The following CCDC149 variants were observed in gnomAD, a reference collection of about 807,000 sequenced individuals.
CCDC149 encodes the protein coiled-coil domain containing 149.
CCDC149 carries 45 observed loss-of-function variants against 59.9 expected under a neutral mutation model. The ratio of observed to expected loss-of-function variants is 0.75; its 90% CI spans 0.59 to 0.96. The LOEUF (loss-of-function observed/expected upper bound fraction) is 0.96, where lower values mean the gene tolerates loss of function less well. Ranked by LOEUF, CCDC149 falls within the 40% of genes least tolerant of loss-of-function variation. The probability of loss-of-function intolerance (pLI) is 0.00; values close to 1 mark genes in which losing one functional copy is unlikely to be tolerated. For synonymous variants in CCDC149, 245 were observed against 260.6 expected, an observed-to-expected ratio of 0.94 and a Z score of 0.58; for missense variants, 584 against 664.7, an observed-to-expected ratio of 0.88 and a Z score of 1.33.
At position 24,853,704 on chromosome 4, in the gene CCDC149, T is replaced by C. The variant is rs139844165; in HGVS notation, c.265-525A>G. ...GCCAACAACATAGAAAAAGTTTCAT[T>C]TTCTTGTTTGGATAGCTTCTTATTC... On this transcript the variant is annotated intron_variant, in intron 3 of 12. Transcript: ENST00000635206. Among the ~76,000 whole-genome samples, 303 of 152,282 alleles carry C rather than the reference T, an allele frequency of 2.0e-3. 3 individuals are homozygous for C. The highest frequency in any genetic ancestry group is 6.6e-3 in the African/African-American group (276 of 41,548).
intron 12 of CCDC149, among the ~76,000 whole-genome samples, chr4:24,814,431 T>G (rs1714875569): frequency 1.3e-5 from 2 of 152,126 alleles, no homozygotes; most frequent in Admixed American, 1.3e-4. Flanking sequence ...TTCTAATAGG[T>G]TCCTTTGATT....
chr4:24,899,727 T>G (rs146864425), intron 1 of CCDC149, among the ~76,000 whole-genome samples: 2 of 152,262 alleles, frequency 1.3e-5, no homozygotes, highest in East Asian at 3.9e-4. Context: ...CCCTCCCCAA[T>G]GCATCCAAGC....
intron 1 of CCDC149, among the ~76,000 whole-genome samples, chr4:24,894,141 C>T (rs1720706801): frequency 6.6e-6 from 1 of 152,194 alleles, no homozygotes; most frequent in African/African-American, 2.4e-5. Context: ...AAGCATCCAG[C>T]ACAGGACTCA....
chr4:24,834,098 G>A (rs553542852), intron 8 of CCDC149, among the ~76,000 whole-genome samples: 1 of 152,258 alleles, frequency 6.6e-6, no homozygotes, highest in South Asian at 2.1e-4. Context: ...AACAATTCTA[G>A]GGTGTTCTTT....
chr4:24,876,720 C>A lies in CCDC149; in HGVS notation c.64-23G>T, dbSNP rs1241898146. 1.9e-6 allele frequency: 3 copies of A among 1,586,862 alleles called. No individual in the cohort carries two copies. In the Admixed American group the frequency reaches 5.5e-5, roughly 29 times the overall value. Reference sequence around the variant, plus strand: ...GTACTGCAAAGCAAACAAATCCAGGCAATGGGTCAAAAACATCCATGGGCC... The same window carrying A: ...GTACTGCAAAGCAAACAAATCCAGGAAATGGGTCAAAAACATCCATGGGCC... On this transcript the variant is annotated intron_variant, in intron 1 of 12. Transcript: ENST00000635206.
intron 9 of CCDC149, among the ~76,000 whole-genome samples, chr4:24,826,320 C>T (rs1715734690): frequency 1.3e-5 from 2 of 151,996 alleles, no homozygotes. Flanking sequence ...ATTCTTCATG[C>T]CTAGTTGAGA....
downstream of CCDC149, among the ~76,000 whole-genome samples, chr4:24,805,743 G>C (rs1714121712): frequency 6.6e-6 from 1 of 152,172 alleles, no homozygotes; most frequent in Non-Finnish European, 1.5e-5. Flanking sequence ...AAATGTGATA[G>C]GAACTGGGTT....
intron 1 of CCDC149, among the ~76,000 whole-genome samples, chr4:24,884,418 C>T (rs754861875): frequency 3.9e-5 from 6 of 152,140 alleles, no homozygotes; most frequent in Admixed American, 6.5e-5. Context: ...TACAGTCGCA[C>T]AATGATGAAA....
chr4:24,944,912 G>T (rs1303836576), intron 1 of CCDC149, among the ~76,000 whole-genome samples: 1 of 152,140 alleles, frequency 6.6e-6, no homozygotes, highest in Admixed American at 6.5e-5. Flanking sequence ...TCAGGTGCAG[G>T]TTCATTTCTG....
intron 1 of CCDC149, among the ~76,000 whole-genome samples, chr4:24,953,485 A>G (rs1239268779): frequency 6.6e-6 from 1 of 152,238 alleles, no homozygotes; most frequent in African/African-American, 2.4e-5. Flanking sequence ...GCGCATAGCC[A>G]GGAAAAGGCA....
At chr4:24,874,122 GAGAGAAAGAGAGAGAC>G (rs1042328194) in intron 2 of CCDC149, among the ~76,000 whole-genome samples, 2 of 151,924 alleles carry the variant, frequency 1.3e-5, no homozygotes, top group African/African-American at 4.8e-5. Context: ...GAGGAAAAGA[GAGAGAAAGAGAGAGAC>G]AGAGAAAGAG....
intron 7 of CCDC149, among the ~76,000 whole-genome samples, chr4:24,835,849 C>T (rs1716480023): frequency 6.6e-6 from 1 of 152,076 alleles, no homozygotes; most frequent in Non-Finnish European, 1.5e-5. Flanking sequence ...CAGAGAAACC[C>T]AGGAGATTTT....
intron 3 of CCDC149, among the ~76,000 whole-genome samples, chr4:24,861,735 G>T (rs1043303390): frequency 6.6e-6 from 1 of 152,180 alleles, no homozygotes; most frequent in Non-Finnish European, 1.5e-5. Context: ...TATTTTCAAT[G>T]ATCGAATATT....
At position 24,912,960 on chromosome 4, in the gene CCDC149, G is replaced by A; in HGVS notation, c.-81C>T. 1 of 726,752 alleles carries A rather than the reference G, an allele frequency of 1.4e-6. No individual in the cohort carries two copies. Among genetic ancestry groups the A allele is most frequent in the South Asian group, 4.2e-5 (1 of 24,004 alleles). The allele number at this position is 726,752 out of a possible 1,614,324, so 45.0% of individuals were successfully genotyped here. A position where few individuals can be genotyped will look rare whatever the true frequency, so the allele number is the denominator to read the frequency against. ...GCCGCCGCCGCCCGGGCCCCGCGCG[G>A]CCCCGAGAGGGCCCGGCGCCTCCGA... On this transcript the variant is annotated 5_prime_UTR_variant, in exon 1 of 13. Coordinates refer to ENST00000635206, the MANE Select transcript of CCDC149 (RefSeq NM_001330643.2).
chr4:24,865,883 TCA>T (rs1441077061), intron 3 of CCDC149, among the ~76,000 whole-genome samples: 3 of 152,188 alleles, frequency 2.0e-5, no homozygotes, highest in African/African-American at 7.2e-5. Context: ...GCATTAGTCC[TCA>T]CAATAAAGTT....
chr4:24,953,697 T>C lies in CCDC149; in HGVS notation c.-65+26372A>G, dbSNP rs114734457. Among the ~76,000 whole-genome samples the C allele has an allele frequency of 9.7e-3, 1,475 of 152,256 alleles. 17 individuals are homozygous for C. The highest frequency in any genetic ancestry group is 0.015 in the Non-Finnish European group (1,033 of 68,030). ...GGAAAAAATAATAATCAGCAGAAAC[T>C]GTCCCTGAAAAAGACCTGATGCCAG... is the stretch of plus-strand genomic sequence containing the variant. On this transcript the variant is annotated intron_variant, in intron 1 of 12. Coordinates refer to the CCDC149 transcript ENST00000389609.
chr4:24,893,613 C>CTTTTTTTT (rs3066508), intron 1 of CCDC149, among the ~76,000 whole-genome samples: 1,952 of 65,812 alleles, frequency 0.03, 295 homozygotes, highest in African/African-American at 0.047. Context: ...AAAATACAGA[C>CTTTTTTTT]TTTTTTTTTT....
chr4:24,847,235 G>C (rs1052053312), intron 4 of CCDC149, among the ~76,000 whole-genome samples: 2 of 152,086 alleles, frequency 1.3e-5, no homozygotes, highest in Admixed American at 6.5e-5. Context: ...TTGCACAAGT[G>C]GATTCTAAGT....
At chr4:24,822,375 A>T in intron 10 of CCDC149, 122 bp downstream of exon 10, 1 of 569,618 alleles carries the variant, frequency 1.8e-6, no homozygotes, top group East Asian at 3.3e-5. Context: ...GATCTACTTT[A>T]AATAAGGTAG....
Sources: allele counts gnomAD v4.1 joint callset (sites outside exome capture counted in the v4.1 genomes callset), GRCh38; gene constraint gnomAD v4.1.1; transcripts MANE v1.5; gene names NCBI Gene and HGNC (gene_info 2026-07-23, HGNC 2026-07-21).